Variants in LURAP1L observed in about 807,000 individuals in gnomAD.
The protein encoded by LURAP1L is leucine rich adaptor protein 1 like, also known as leucine rich adaptor protein 1-like.
Under a neutral mutation model 13.8 loss-of-function variants are expected in LURAP1L, and 12 were observed. That is an observed-to-expected ratio of 0.87 (90% CI 0.56 to 1.41). The LOEUF (loss-of-function observed/expected upper bound fraction) is 1.41, where lower values mean the gene tolerates loss of function less well. LURAP1L is among the 40% of genes most tolerant of loss of function. LURAP1L has a pLI of 0.00. For synonymous variants in LURAP1L, 139 were observed against 119.2 expected (o/e 1.17, Z -1.08); for missense variants, 375 against 292.9 (o/e 1.28, Z -2.04).
rs1819208451 is a variant in LURAP1L at position 12,777,657 on chromosome 9, G to A, written c.312+1630G>A. On this transcript the variant is annotated intron_variant, in intron 1 of 1. Transcript: ENST00000319264. The stretch of plus-strand genomic sequence containing the variant: ...GCTGGACACTCAGACACAATTTAGA[G>A]TATTTATATATAACTTGAAAACAGT... 6 of 811,296 alleles carry A rather than the reference G, an allele frequency of 7.4e-6. No homozygotes were observed. In the South Asian group the frequency reaches 2.3e-4, roughly 30 times the overall value. 50.3% of individuals were successfully genotyped at this position (811,296 alleles called of 1,614,324 possible). A position where few individuals can be genotyped will look rare whatever the true frequency, so the allele number is the denominator to read the frequency against.
intron 1 of LURAP1L, among the ~76,000 whole-genome samples, chr9:12,794,041 A>G (rs1819480847): frequency 6.6e-6 from 1 of 152,062 alleles, no homozygotes; most frequent in Admixed American, 6.6e-5. Flanking sequence ...AAAACCATTA[A>G]CCATTAATTA....
At chr9:12,796,737 C>T (rs1200367185) in intron 1 of LURAP1L, among the ~76,000 whole-genome samples, 1 of 151,856 alleles carries the variant, frequency 6.6e-6, no homozygotes, top group Non-Finnish European at 1.5e-5. Context: ...ACTGAGCTCT[C>T]ACATAGAGGC....
chr9:12,806,667 A>T (rs1441603089), intron 1 of LURAP1L, among the ~76,000 whole-genome samples: 2 of 152,076 alleles, frequency 1.3e-5, no homozygotes, highest in Non-Finnish European at 2.9e-5. Flanking sequence ...TTCTCAAGGA[A>T]TTTTGAAAAT....
At chr9:12,807,179 T>C (rs1029766782) in intron 1 of LURAP1L, among the ~76,000 whole-genome samples, 3 of 145,918 alleles carry the variant, frequency 2.1e-5, no homozygotes, top group East Asian at 2.1e-4. Flanking sequence ...AGCAGGAGAA[T>C]GGCATGAACC....
chr9:12,781,767 T>G (rs1211604152), intron 1 of LURAP1L, among the ~76,000 whole-genome samples: 1 of 152,188 alleles, frequency 6.6e-6, no homozygotes, highest in Non-Finnish European at 1.5e-5. Context: ...CTCCTGAGTA[T>G]ATACCTAGTA....
chr9:12,798,408 T>C (rs781651847), intron 1 of LURAP1L, among the ~76,000 whole-genome samples: 1 of 152,234 alleles, frequency 6.6e-6, no homozygotes, highest in Non-Finnish European at 1.5e-5. Context: ...CTACAAGTTG[T>C]ATATTTTAAT....
In LURAP1L at chr9:12,775,858, G is replaced by A. The variant is rs1439888241; in HGVS notation, c.143G>A (p.Gly48Asp). 4 of 1,521,264 alleles carry A rather than the reference G, an allele frequency of 2.6e-6. No individual in the cohort carries two copies. In the East Asian group the frequency reaches 7.2e-5, roughly 27 times the overall value. 94.2% of individuals were successfully genotyped at this position (1,521,264 alleles called of 1,614,324 possible). A position where few individuals can be genotyped will look rare whatever the true frequency, so the allele number is the denominator to read the frequency against. The change falls in exon 1 of 2, where the codon GGT becomes GAT. Residue 48 changes from glycine (G) to aspartate (D), a missense_variant. Transcript: ENST00000319264. ...RDRDPCGGSGGGGGGGGGCSS... is the reference protein window; with the variant it reads ...RDRDPCGGSGDGGGGGGGCSS... ...AGGGACCCCTGCGGGGGGAGCGGTG[G>A]TGGTGGCGGCGGCGGCGGCGGCTGC...
intron 1 of LURAP1L, among the ~76,000 whole-genome samples, chr9:12,814,730 C>T (rs997502277): frequency 6.6e-6 from 1 of 152,188 alleles, no homozygotes; most frequent in East Asian, 1.9e-4. Context: ...AAAACAACAT[C>T]AATCAGTCCA....
chr9:12,793,026 C>T lies in LURAP1L; in HGVS notation c.312+16999C>T, dbSNP rs140983682. ...ATGTGTTTTTGTCAGTCTGGAAAAA[C>T]GAACTAGAACATAAGAAGGACGATT... On this transcript the variant is annotated intron_variant, in intron 1 of 1. Transcript: ENST00000319264. Among the ~76,000 whole-genome samples, 1,201 of 152,006 alleles carry T rather than the reference C, an allele frequency of 7.9e-3. 5 individuals carry two copies. Among genetic ancestry groups the T allele is most frequent in the Admixed American group, 0.012 (190 of 15,250 alleles).
chr9:12,809,297 G>C (rs969973900), intron 1 of LURAP1L, among the ~76,000 whole-genome samples: 1 of 152,124 alleles, frequency 6.6e-6, no homozygotes, highest in African/African-American at 2.4e-5. Flanking sequence ...ACAGTTCTTA[G>C]ATACTCTGTT....
chr9:12,813,604 A>G (rs1438287048), intron 1 of LURAP1L, among the ~76,000 whole-genome samples: 4 of 152,194 alleles, frequency 2.6e-5, no homozygotes, highest in Non-Finnish European at 5.9e-5. Context: ...CTGCAGATTG[A>G]AATTGAAATT....
chr9:12,810,076 A>T (rs950107314), intron 1 of LURAP1L, among the ~76,000 whole-genome samples: 2 of 152,132 alleles, frequency 1.3e-5, no homozygotes, highest in African/African-American at 4.8e-5. Context: ...GGTTCTGGTA[A>T]AATAGATTCC....
intron 1 of LURAP1L, among the ~76,000 whole-genome samples, chr9:12,801,712 G>A (rs1819588147): frequency 6.6e-6 from 1 of 152,084 alleles, no homozygotes; most frequent in South Asian, 2.1e-4. Flanking sequence ...TCTTTTTAAA[G>A]GGCATAAACA....
intron 1 of LURAP1L, among the ~76,000 whole-genome samples, chr9:12,800,303 A>C (rs73403679): frequency 1.3e-5 from 2 of 152,224 alleles, no homozygotes; most frequent in African/African-American, 4.8e-5. Context: ...TACATAATGT[A>C]TACCACTTTT....
rs79493610 is a variant in LURAP1L, at chr9:12,778,080, G to T, written c.312+2053G>T. ...TCTCTAAGGTCCCTGATAATTTGTCGCATTTGTTGTTGTTTTTTGGAGAAT... is the reference window on the plus strand; with the variant it reads ...TCTCTAAGGTCCCTGATAATTTGTCTCATTTGTTGTTGTTTTTTGGAGAAT... On this transcript the variant is annotated intron_variant, in intron 1 of 1. Transcript: ENST00000319264. Among the ~76,000 whole-genome samples, 8 of 152,224 alleles carry T rather than the reference G, an allele frequency of 5.3e-5. No homozygotes were observed. The East Asian group carries it at 1.2e-3, about 22-fold the overall frequency.
chr9:12,775,682 G>A lies in LURAP1L; in HGVS notation c.-34G>A, dbSNP rs1213585206. On this transcript the variant is annotated 5_prime_UTR_variant, in exon 1 of 2. Transcript: ENST00000319264. ...GCCGTGGCTGCCTTTCATCTGCTGC[G>A]TTTTATTACTATTATCGCCGTTCCG... 1.3e-6 allele frequency: 2 copies of A among 1,533,974 alleles called. No individual in the cohort carries two copies. The highest frequency in any genetic ancestry group is 4.4e-5 in the Admixed American group (2 of 45,038).
At chr9:12,806,848 A>G (rs1819664269) in intron 1 of LURAP1L, among the ~76,000 whole-genome samples, 1 of 151,622 alleles carries the variant, frequency 6.6e-6, no homozygotes, top group South Asian at 2.1e-4. Context: ...AATGTCATGT[A>G]CATACAGTCT....
chr9:12,809,921 G>C (rs1819713829), intron 1 of LURAP1L, among the ~76,000 whole-genome samples: 1 of 152,126 alleles, frequency 6.6e-6, no homozygotes, highest in Admixed American at 6.5e-5. Flanking sequence ...GTAATCCCCT[G>C]TTATTATACA....
intron 1 of LURAP1L, among the ~76,000 whole-genome samples, chr9:12,793,663 GAGA>G (rs910328768): frequency 6.6e-6 from 1 of 152,174 alleles, no homozygotes; most frequent in South Asian, 2.1e-4. Context: ...CAAAAATTTT[GAGA>G]AGATCTTAAT....
Sources: gnomAD v4.1 joint callset for allele counts (sites outside exome capture counted in the v4.1 genomes callset) on GRCh38, gnomAD v4.1.1 for gene constraint, MANE v1.5 for transcripts, NCBI Gene and HGNC (gene_info 2026-07-23, HGNC 2026-07-21) for gene names.